GALNTL6: variants seen among roughly 807,000 people sequenced by gnomAD.
The protein encoded by GALNTL6 is polypeptide N-acetylgalactosaminyltransferase-like 6.
Under a neutral mutation model 73.7 loss-of-function variants are expected in GALNTL6, and 46 were observed. The ratio of observed to expected loss-of-function variants is 0.62; its 90% CI spans 0.49 to 0.80. The LOEUF is 0.80. GALNTL6 is among the 30% of genes least tolerant of loss of function. The pLI is 0.00. For missense variants in GALNTL6, 604 were observed against 755.0 expected, an observed-to-expected ratio of 0.80 and a Z score of 2.34; for synonymous variants, 259 against 263.7, an observed-to-expected ratio of 0.98 and a Z score of 0.17.
chr4:172,300,320 A>G (rs1160291746), intron 3 of GALNTL6, among the ~76,000 whole-genome samples: 1 of 152,090 alleles, frequency 6.6e-6, no homozygotes, highest in Non-Finnish European at 1.5e-5. Flanking sequence ...TTGACTCTTT[A>G]TCAAATTTAC....
intron 2 of GALNTL6, among the ~76,000 whole-genome samples, chr4:171,890,166 T>C (rs1232806855): frequency 1.3e-5 from 2 of 152,146 alleles, no homozygotes; most frequent in Non-Finnish European, 2.9e-5. Flanking sequence ...GCAATCACTT[T>C]TAACAGCTGA....
chr4:172,969,174 A>G (rs139655798), intron 10 of GALNTL6, among the ~76,000 whole-genome samples: 134 of 152,262 alleles, frequency 8.8e-4, no homozygotes, highest in Non-Finnish European at 1.5e-3. Context: ...GGGATGAACT[A>G]GAAAAGAAAG....
chr4:171,911,375 G>C (rs187207293), intron 2 of GALNTL6, among the ~76,000 whole-genome samples: 2 of 152,192 alleles, frequency 1.3e-5, no homozygotes, highest in East Asian at 3.9e-4. Context: ...GCTCAGGCTG[G>C]TCCTGAGCTC....
At chr4:172,075,965 T>G (rs894560199) in intron 2 of GALNTL6, among the ~76,000 whole-genome samples, 7 of 152,246 alleles carry the variant, frequency 4.6e-5, no homozygotes, top group Admixed American at 4.6e-4. Context: ...AGCTCTTTAA[T>G]GTATTCACAC....
intron 7 of GALNTL6, among the ~76,000 whole-genome samples, chr4:172,846,650 C>A (rs1247404527): frequency 6.6e-6 from 1 of 152,148 alleles, no homozygotes; most frequent in Non-Finnish European, 1.5e-5. Context: ...AGTCTAGTAG[C>A]ATGAGTGGAC....
intron 4 of GALNTL6, among the ~76,000 whole-genome samples, chr4:172,344,193 T>G (rs183561996): frequency 1.4e-4 from 22 of 152,310 alleles, no homozygotes; most frequent in Admixed American, 1.4e-3. Context: ...TACATCATCT[T>G]CATATTTGTA....
At chr4:172,689,331 C>A (rs1412629918) in intron 5 of GALNTL6, among the ~76,000 whole-genome samples, 5 of 152,146 alleles carry the variant, frequency 3.3e-5, no homozygotes, top group African/African-American at 9.7e-5. Context: ...TGTTTCCAAG[C>A]AAACTTGGAC....
At chr4:172,451,605 C>A (rs1319893861) in intron 5 of GALNTL6, among the ~76,000 whole-genome samples, 1 of 151,998 alleles carries the variant, frequency 6.6e-6, no homozygotes, top group Non-Finnish European at 1.5e-5. Flanking sequence ...GTCAGTGATG[C>A]CTATAGTATT....
intron 2 of GALNTL6, among the ~76,000 whole-genome samples, chr4:172,101,566 A>G (rs1732520680): frequency 6.6e-6 from 1 of 152,222 alleles, no homozygotes; most frequent in African/African-American, 2.4e-5. Context: ...CAGACATGCC[A>G]TTCAAACTTA....
At chr4:172,335,435 T>C (rs962675516) in intron 4 of GALNTL6, among the ~76,000 whole-genome samples, 11 of 152,188 alleles carry the variant, frequency 7.2e-5, no homozygotes, top group African/African-American at 2.7e-4. Context: ...GATTTAGGTA[T>C]CAAGGTGATG....
intron 5 of GALNTL6, among the ~76,000 whole-genome samples, chr4:172,758,600 A>C (rs1440657906): frequency 6.6e-6 from 1 of 152,192 alleles, no homozygotes; most frequent in African/African-American, 2.4e-5. Flanking sequence ...AGTATATCTA[A>C]ATTTGTTGCT....
At chr4:171,956,014 G>GGA (rs1348291265) in intron 2 of GALNTL6, among the ~76,000 whole-genome samples, 4 of 149,030 alleles carry the variant, frequency 2.7e-5, no homozygotes, top group Non-Finnish European at 4.5e-5. Flanking sequence ...GTGTGTGTGT[G>GGA]GGACAGGGCC....
intron 5 of GALNTL6, among the ~76,000 whole-genome samples, chr4:172,364,183 G>A (rs191309902): frequency 1.3e-5 from 2 of 152,152 alleles, no homozygotes; most frequent in African/African-American, 4.8e-5. Context: ...CCTCTGTGGG[G>A]AGCCAAAGGC....
chr4:172,671,433 G>C (rs914687952), intron 5 of GALNTL6, among the ~76,000 whole-genome samples: 15 of 152,088 alleles, frequency 9.9e-5, no homozygotes, highest in African/African-American at 3.6e-4. Context: ...CTGTGAATGG[G>C]ATTGCATTCA....
In GALNTL6 at chr4:172,890,795, G is replaced by A. The variant is rs75401590; in HGVS notation, c.1041+7888G>A. On this transcript the variant is annotated intron_variant, in intron 8 of 12. Coordinates refer to ENST00000506823, the MANE Select transcript of GALNTL6 (RefSeq NM_001034845.3). ...TGTCTAACACTGCCCATGGGGTTTT[G>A]AATAGTCCCTATTATTGTGTGGCTG... Among the ~76,000 whole-genome samples the A allele has an allele frequency of 6.8e-3, 1,041 of 152,170 alleles. 11 individuals are homozygous for A. The highest frequency in any genetic ancestry group is 0.024 in the African/African-American group (983 of 41,522).
At chr4:172,052,538 G>T in intron 2 of GALNTL6, 1 of 1,531,366 alleles carries the variant, frequency 6.5e-7, no homozygotes, top group Non-Finnish European at 8.7e-7. Context: ...CCAGGTAACC[G>T]GTAAAAAGCA....
intron 2 of GALNTL6, among the ~76,000 whole-genome samples, chr4:172,144,896 T>A (rs909265413): frequency 2.6e-5 from 4 of 152,186 alleles, no homozygotes; most frequent in Admixed American, 2.6e-4. Flanking sequence ...ATTTTCATTT[T>A]GTGTTAAATG....
intron 2 of GALNTL6, among the ~76,000 whole-genome samples, chr4:172,178,288 TA>T (rs1174133813): frequency 1.3e-5 from 2 of 152,166 alleles, no homozygotes; most frequent in Admixed American, 1.3e-4. Context: ...TTTCTTTTTT[TA>T]AAAAATTATT....
Position 172,828,547 on chromosome 4 carries a change from C to T in GALNTL6, c.923+14824C>T, listed in dbSNP as rs61610621. ...TTCAAATGTATGATCTGATCACCATCATGTGTTAAATTAGCATAAAAAAAG... is the reference window on the plus strand; with the variant it reads ...TTCAAATGTATGATCTGATCACCATTATGTGTTAAATTAGCATAAAAAAAG... On this transcript the variant is annotated intron_variant, in intron 7 of 12. Coordinates refer to ENST00000506823, the MANE Select transcript of GALNTL6 (RefSeq NM_001034845.3). Among the ~76,000 whole-genome samples the T allele has an allele frequency of 5.9e-3, 897 of 152,136 alleles. 10 individuals are homozygous for T. Among genetic ancestry groups the T allele is most frequent in the African/African-American group, 0.021 (866 of 41,494 alleles).
Sources: allele counts gnomAD v4.1 joint callset (sites outside exome capture counted in the v4.1 genomes callset), GRCh38; gene constraint gnomAD v4.1.1; transcripts MANE v1.5; gene names NCBI Gene and HGNC (gene_info 2026-07-23, HGNC 2026-07-21).